The following PCDHAC1 variants were observed in gnomAD, a reference collection of about 807,000 sequenced individuals.
The protein encoded by PCDHAC1 is protocadherin alpha subfamily C, 1, also known as protocadherin alpha-C1.
In PCDHAC1, 42 loss-of-function variants were observed where a neutral mutation model predicts 60.0. The observed-to-expected ratio is 0.70, with a 90% CI of 0.55 to 0.90. The LOEUF is 0.90. Ranked by LOEUF, PCDHAC1 falls within the 40% of genes least tolerant of loss-of-function variation. PCDHAC1 has a pLI of 0.00. For synonymous variants in PCDHAC1, 468 were observed against 499.3 expected, an observed-to-expected ratio of 0.94 and a Z score of 0.84; for missense variants, 1,160 against 1,222.3, an observed-to-expected ratio of 0.95 and a Z score of 0.76.
chr5:140,983,806 G>T (rs981942088), intron 3 of PCDHAC1, among the ~76,000 whole-genome samples: 1 of 152,110 alleles, frequency 6.6e-6, no homozygotes, highest in Non-Finnish European at 1.5e-5. Flanking sequence ...GTGTGTAAAA[G>T]GTTTTTTCCC....
At chr5:140,969,235 A>G (rs781795606) in intron 1 of PCDHAC1, 2 of 1,614,206 alleles carry the variant, frequency 1.2e-6, no homozygotes, top group Non-Finnish European at 1.7e-6. Flanking sequence ...CGGGAGCCCA[A>G]GCAGCAGTGA....
At position 140,928,347 on chromosome 5, in the gene PCDHAC1, G is replaced by A. The variant is rs139222568; in HGVS notation, c.1455G>A (p.Leu485=). 5 of 1,614,148 alleles carry A rather than the reference G, an allele frequency of 3.1e-6. No homozygotes were observed. The African/African-American group carries it at 5.3e-5, about 17-fold the overall frequency. The change falls in exon 1 of 4, where the codon TTG becomes TTA. Residue 485 remains leucine, a synonymous_variant. Coordinates refer to ENST00000253807, the MANE Select transcript of PCDHAC1 (RefSeq NM_018898.5). ...GKNGLVSYEL[L]DVISEGPSAS... ...ATGGCCTTGTCTCTTATGAGCTGTT[G>A]GATGTTATCTCTGAAGGGCCATCAG...
rs782463268 is a variant in PCDHAC1, at chr5:140,941,198, TCTTCCTTTCTTTCTTC to T, written c.2433+11877_2433+11892del. On this transcript the variant is annotated intron_variant, in intron 1 of 3. Transcript: ENST00000253807. ...AACATCCTGCTTCTTTTTTTTTCTTTCTTCCTTTCTTTCTTCCTTTCTTTCTTTCTTTCTTTCTTTC... is the reference window on the plus strand; with the variant it reads ...AACATCCTGCTTCTTTTTTTTTCTTTCTTTCTTTCTTTCTTTCTTTCTTTC... 2.9e-3 allele frequency among the ~76,000 whole-genome samples: 353 copies of T among 119,898 alleles called. 1 individual carries two copies. Among genetic ancestry groups the T allele is most frequent in the African/African-American group, 8.8e-3 (254 of 28,982 alleles). The allele number at this position is 119,898 out of a possible 152,430, so 78.7% of individuals were successfully genotyped here.
chr5:141,000,776 G>A (rs1455881211), intron 3 of PCDHAC1, among the ~76,000 whole-genome samples: 1 of 151,562 alleles, frequency 6.6e-6, no homozygotes, highest in Non-Finnish European at 1.5e-5. Context: ...GCATAGTGGC[G>A]CACACCTGTA....
intron 1 of PCDHAC1, among the ~76,000 whole-genome samples, chr5:140,946,757 C>T (rs1179265601): frequency 6.6e-6 from 1 of 151,268 alleles, no homozygotes; most frequent in Non-Finnish European, 1.5e-5. Context: ...ACTGCATGAT[C>T]TCATTCATGT....
At chr5:140,966,455 C>G (rs376758355) in intron 1 of PCDHAC1, 20 of 426,928 alleles carry the variant, frequency 4.7e-5, no homozygotes, top group East Asian at 2.8e-4. Flanking sequence ...CCCCCTCCCC[C>G]TCTGTCTTCC....
intron 1 of PCDHAC1, among the ~76,000 whole-genome samples, chr5:140,938,177 C>A (rs1165477047): frequency 6.6e-6 from 1 of 152,110 alleles, no homozygotes; most frequent in African/African-American, 2.4e-5. Flanking sequence ...AGCTCCTGGG[C>A]TCAAGCAATC....
intron 3 of PCDHAC1, among the ~76,000 whole-genome samples, chr5:140,986,392 C>T (rs1331552974): frequency 1.3e-5 from 2 of 152,162 alleles, no homozygotes; most frequent in South Asian, 2.1e-4. Context: ...CATTAAAGGG[C>T]CAGTCGCTCA....
chr5:141,000,223 G>C (rs1190945878), intron 3 of PCDHAC1, among the ~76,000 whole-genome samples: 1 of 151,642 alleles, frequency 6.6e-6, no homozygotes, highest in African/African-American at 2.4e-5. Context: ...AAATGCCTGT[G>C]TGGAGCTGAA....
chr5:140,991,003 A>C (rs1228444549), intron 3 of PCDHAC1, among the ~76,000 whole-genome samples: 1 of 152,190 alleles, frequency 6.6e-6, no homozygotes, highest in East Asian at 1.9e-4. Flanking sequence ...ATTTATTGAG[A>C]ACTGTGATAA....
chr5:141,003,273 G>A (rs782391603), intron 3 of PCDHAC1, among the ~76,000 whole-genome samples: 5 of 152,214 alleles, frequency 3.3e-5, no homozygotes, highest in Admixed American at 6.5e-5. Context: ...TAAGGGAAGT[G>A]CCCAAATTGG....
At chr5:140,946,287 A>G (rs1484519782) in intron 1 of PCDHAC1, among the ~76,000 whole-genome samples, 1 of 152,032 alleles carries the variant, frequency 6.6e-6, no homozygotes, top group African/African-American at 2.4e-5. Flanking sequence ...ATGAGATATC[A>G]CCTCACACCT....
chr5:140,928,732 A>G lies in PCDHAC1; in HGVS notation c.1840A>G (p.Asn614Asp). ...SDSSLFRISA[N>D]IGELRTARLV... is the part of the protein sequence containing the mutation. The stretch of plus-strand genomic sequence containing the variant: ...CTCTAGTCTCTTTAGAATTTCAGCC[A>G]ATATAGGTGAGCTCCGTACTGCTCG... Residue 614 changes from asparagine (N) to aspartate (D), a missense_variant, in exon 1 of 4, where the codon AAT (asparagine) becomes GAT (aspartate). Around this residue, in one of 3 missense-constraint regions of PCDHAC1, gnomAD observed 1,113 missense variants for 1,163.7 expected, o/e 0.96. Coordinates refer to ENST00000253807, the MANE Select transcript of PCDHAC1 (RefSeq NM_018898.5). 6.2e-7 allele frequency: 1 copy of G among 1,614,114 alleles called. No homozygotes were observed. Among genetic ancestry groups the G allele is most frequent in the South Asian group, 1.1e-5 (1 of 91,078 alleles).
chr5:140,965,954 C>A lies in PCDHAC1; in HGVS notation c.2434-12995C>A, dbSNP rs567785452. Among the ~76,000 whole-genome samples the A allele has an allele frequency of 9.8e-4, 149 of 152,300 alleles. 1 individual carries two copies. The highest frequency in any genetic ancestry group is 1.7e-3 in the Non-Finnish European group (115 of 68,034). The stretch of plus-strand genomic sequence containing the variant: ...GGAAAGAGGGCAGCATTTGCCATCC[C>A]CCTCCTTTTGCCCTAGGAGTTGAGC... On this transcript the variant is annotated intron_variant, in intron 1 of 3. Coordinates refer to ENST00000253807, the MANE Select transcript of PCDHAC1 (RefSeq NM_018898.5).
chr5:140,963,196 G>GA (rs199602110), intron 1 of PCDHAC1, among the ~76,000 whole-genome samples: 256 of 147,602 alleles, frequency 1.7e-3, no homozygotes, highest in African/African-American at 4.3e-3. Flanking sequence ...CTGTGAAAAT[G>GA]AAAAAAAAAA....
chr5:140,927,303 G>T lies in PCDHAC1; in HGVS notation c.411G>T (p.Leu137=). The T allele has an allele frequency of 6.2e-7, 1 of 1,614,150 alleles. No homozygotes were observed. ...TGCAGCTGCACATCCCCGAGTTCCT[G>T]ACGCCCGGAGCCCGCTTTACTCTCC... ...GDVQLHIPEF[L]TPGARFTLPN... is the part of the protein sequence containing the mutation. Residue 137 remains leucine (L), a synonymous_variant, in exon 1 of 4, where the codon CTG becomes CTT. Transcript: ENST00000253807.
At chr5:140,966,539 T>C in intron 1 of PCDHAC1, 1 of 462,182 alleles carries the variant, frequency 2.2e-6, no homozygotes, top group South Asian at 5.8e-5. Flanking sequence ...GTTGAGCGAC[T>C]CGGAGGCGAG....
At position 140,926,974 on chromosome 5, in the gene PCDHAC1, G is replaced by T. The variant is rs145276602; in HGVS notation, c.82G>T (p.Glu28Ter). Residue 28 changes from glutamate to a stop codon, truncating the protein, a stop_gained, in exon 1 of 4, where the codon GAG becomes TAG. Transcript: ENST00000253807. LOFTEE classifies it high-confidence loss of function. The part of the protein sequence containing the change: ...AAGQLEYSVP[E>*]ETERGVAVGN... ...GGGACAGCTCGAGTACTCAGTGCCGGAGGAGACGGAGCGGGGCGTAGCCGT... is the reference window on the plus strand; with the variant it reads ...GGGACAGCTCGAGTACTCAGTGCCGTAGGAGACGGAGCGGGGCGTAGCCGT... The T allele has an allele frequency of 2.2e-4, 360 of 1,610,140 alleles. No individual in the cohort carries two copies. Among genetic ancestry groups the T allele is most frequent in the Middle Eastern group, 1.2e-3 (7 of 6,040 alleles).
chr5:140,999,431 C>G (rs1554256799), intron 3 of PCDHAC1, among the ~76,000 whole-genome samples: 1 of 152,134 alleles, frequency 6.6e-6, no homozygotes, highest in African/African-American at 2.4e-5. Context: ...GGCCAAGTAC[C>G]TTGCCTCTTA....
Sources: gnomAD v4.1 joint callset for allele counts (sites outside exome capture counted in the v4.1 genomes callset) on GRCh38, gnomAD v4.1.1 for gene constraint, gnomAD v4.1.1 regional missense constraint, MANE v1.5 for transcripts, NCBI Gene and HGNC (gene_info 2026-07-23, HGNC 2026-07-21) for gene names.